Variants in URI1 observed in about 807,000 individuals in gnomAD.
URI1 encodes unconventional prefoldin RPB5 interactor 1.
In URI1, 39 loss-of-function variants were observed where a neutral mutation model predicts 60.2. That is an observed-to-expected ratio of 0.65 (90% CI 0.50 to 0.85). The LOEUF is 0.85. Among genes scored for constraint, URI1 ranks in the 40% least tolerant of loss-of-function variants. The pLI is 0.00. For synonymous variants in URI1, 251 were observed against 236.8 expected (o/e 1.06, Z -0.55); for missense variants, 691 against 665.9 (o/e 1.04, Z -0.42).
intron 1 of URI1, 130 bp downstream of exon 1, chr19:29,942,794 T>A: frequency 8.9e-7 from 1 of 1,123,234 alleles, no homozygotes. Flanking sequence ...TAAACTTTTG[T>A]CACGTGCTTC....
chr19:29,937,210 G>C (rs974445606), intron 1 of URI1, among the ~76,000 whole-genome samples: 3 of 152,070 alleles, frequency 2.0e-5, no homozygotes, highest in Non-Finnish European at 4.4e-5. Flanking sequence ...TCGGCTCCAG[G>C]ATTTCTATTT....
rs1238428516 is a variant in URI1 at position 29,986,262 on chromosome 19, T to TC, written c.232-19dup. On this transcript the variant is annotated intron_variant, in intron 3 of 10. Transcript: ENST00000392271. ...AGTGTTTTATGTTTTTTCCCTTTTT[T>TC]CTTTTTTTTTAAACAATAGGTACCA... is the stretch of plus-strand genomic sequence containing the variant. 2.0e-6 allele frequency: 3 copies of TC among 1,537,420 alleles called. No individual in the cohort carries two copies. Among genetic ancestry groups the TC allele is most frequent in the Non-Finnish European group, 2.6e-6 (3 of 1,150,634 alleles).
At chr19:29,952,747 G>A (rs1356761755) in intron 1 of URI1, among the ~76,000 whole-genome samples, 1 of 152,114 alleles carries the variant, frequency 6.6e-6, no homozygotes, top group African/African-American at 2.4e-5. Flanking sequence ...AACATTTCTT[G>A]TGTGTATACT....
intron 1 of URI1, among the ~76,000 whole-genome samples, chr19:29,966,341 G>C (rs145662999): frequency 6.6e-6 from 1 of 152,210 alleles, no homozygotes; most frequent in East Asian, 1.9e-4. Context: ...GTTTCACCAT[G>C]TTGGCTAGGC....
intron 4 of URI1, among the ~76,000 whole-genome samples, chr19:29,987,826 G>A (rs2055691012): frequency 6.6e-6 from 1 of 151,996 alleles, no homozygotes; most frequent in Non-Finnish European, 1.5e-5. Context: ...ATGACTTTTG[G>A]GATCAATATT....
chr19:30,011,803 A>G (rs894421521), intron 9 of URI1, among the ~76,000 whole-genome samples: 1 of 150,650 alleles, frequency 6.6e-6, no homozygotes, highest in African/African-American at 2.4e-5. Context: ...GCTTAAAAAT[A>G]ACATGCTGTG....
At chr19:29,927,296 C>A (rs956792403) in intron 1 of URI1, among the ~76,000 whole-genome samples, 4 of 138,614 alleles carry the variant, frequency 2.9e-5, no homozygotes, top group African/African-American at 1.1e-4. Context: ...TGGAGTCTTG[C>A]TGTCTTGCTC....
At chr19:29,937,355 G>T (rs1240335770), upstream of URI1, among the ~76,000 whole-genome samples, 1 of 152,176 alleles carries the variant, frequency 6.6e-6, no homozygotes, top group African/African-American at 2.4e-5. Context: ...CAATGTAAAG[G>T]CTTCCTTGGG....
At chr19:30,001,977 G>C (rs990340664) in intron 4 of URI1, among the ~76,000 whole-genome samples, 2 of 151,990 alleles carry the variant, frequency 1.3e-5, no homozygotes, top group African/African-American at 4.8e-5. Context: ...CCAGAGGTTT[G>C]TGAGTATTTC....
intron 2 of URI1, among the ~76,000 whole-genome samples, chr19:29,978,952 T>C (rs2055558905): frequency 6.6e-6 from 1 of 152,228 alleles, no homozygotes; most frequent in Non-Finnish European, 1.5e-5. Context: ...CTGCTGAAAC[T>C]ATATGTAAAA....
intron 8 of URI1, among the ~76,000 whole-genome samples, chr19:30,010,343 G>A (rs1488423997): frequency 6.6e-6 from 1 of 152,130 alleles, no homozygotes; most frequent in African/African-American, 2.4e-5. Context: ...AATTGTTTGT[G>A]TTTTTATATT....
At chr19:29,995,781 T>G (rs2055805103) in intron 4 of URI1, among the ~76,000 whole-genome samples, 1 of 152,094 alleles carries the variant, frequency 6.6e-6, no homozygotes, top group Admixed American at 6.5e-5. Context: ...GTATCCATTT[T>G]ATATATGCTT....
chr19:29,960,932 C>T (rs541080752), intron 1 of URI1, among the ~76,000 whole-genome samples: 2 of 152,186 alleles, frequency 1.3e-5, no homozygotes, highest in South Asian at 4.2e-4. Flanking sequence ...TAGCTCACTG[C>T]AACCTTGAAC....
upstream of URI1, chr19:29,942,179 C>T (rs1252816328): frequency 2.0e-6 from 2 of 978,130 alleles, no homozygotes; most frequent in Middle Eastern, 5.2e-4. Context: ...CCTGCGCGAG[C>T]TGGGCGTGTC....
chr19:29,944,467 A>G (rs932651796), intron 1 of URI1, among the ~76,000 whole-genome samples: 5 of 151,954 alleles, frequency 3.3e-5, no homozygotes, highest in African/African-American at 9.7e-5. Context: ...GCCATTTGGC[A>G]TATTAAAAAG....
chr19:29,941,437 A>C (rs1209815570), upstream of URI1, among the ~76,000 whole-genome samples: 1 of 152,154 alleles, frequency 6.6e-6, no homozygotes, highest in Non-Finnish European at 1.5e-5. Context: ...CCTGGGCAAC[A>C]TAGGGAGACC....
chr19:29,990,828 C>T (rs1377296503), intron 4 of URI1, among the ~76,000 whole-genome samples: 1 of 152,086 alleles, frequency 6.6e-6, no homozygotes, highest in African/African-American at 2.4e-5. Flanking sequence ...ATACGAAAAC[C>T]ATCAAATTGT....
At position 29,999,033 on chromosome 19, in the gene URI1, T is replaced by C. The variant is rs147930473; in HGVS notation, c.368-6328T>C. On this transcript the variant is annotated intron_variant, in intron 4 of 10. Transcript: ENST00000392271. ...CATCCTAAGGTTATAAAATGTATTT[T>C]GAATTTATACCAACTTAACTTCAAT... Among the ~76,000 whole-genome samples the C allele has an allele frequency of 3.0e-3, 458 of 152,238 alleles. 3 individuals carry two copies. The highest frequency in any genetic ancestry group is 0.01 in the African/African-American group (429 of 41,554).
rs1311184144 is a variant in URI1 at position 30,015,772 on chromosome 19, A to T, written c.*703A>T. On this transcript the variant is annotated 3_prime_UTR_variant, in exon 11 of 11. Coordinates refer to ENST00000392271, the MANE Select transcript of URI1 (RefSeq NM_003796.3). Reference sequence around the variant, plus strand: ...TGTCCTTGATTCATATGTATGCTACATGTATCACACAACAGATCTGGAATT... The same window carrying T: ...TGTCCTTGATTCATATGTATGCTACTTGTATCACACAACAGATCTGGAATT... 2.6e-5 allele frequency: 14 copies of T among 542,580 alleles called. No homozygotes were observed. Among genetic ancestry groups the T allele is most frequent in the African/African-American group, 3.8e-5 (2 of 51,978 alleles). 33.6% of individuals were successfully genotyped at this position (542,580 alleles called of 1,614,324 possible).
Sources: gnomAD v4.1 joint callset for allele counts (sites outside exome capture counted in the v4.1 genomes callset) on GRCh38, gnomAD v4.1.1 for gene constraint, MANE v1.5 for transcripts, NCBI Gene and HGNC (gene_info 2026-07-23, HGNC 2026-07-21) for gene names.